GABRP: variants seen among roughly 807,000 people sequenced by gnomAD.
GABRP encodes the protein gamma-aminobutyric acid type A receptor subunit pi, also known as gamma-aminobutyric acid receptor subunit pi.
Under a neutral mutation model 47.8 loss-of-function variants are expected in GABRP, and 52 were observed. The ratio of observed to expected loss-of-function variants is 1.09; its 90% CI spans 0.87 to 1.37. The LOEUF (loss-of-function observed/expected upper bound fraction) is 1.37. Among genes scored for constraint, GABRP ranks in the 40% most tolerant of loss-of-function variants. GABRP has a pLI of 0.00. For synonymous variants in GABRP, 221 were observed against 205.8 expected, an observed-to-expected ratio of 1.07 and a Z score of -0.63; for missense variants, 525 against 542.8, an observed-to-expected ratio of 0.97 and a Z score of 0.33.
At position 170,803,500 on chromosome 5, in the gene GABRP, A is replaced by G. The variant is rs148612705; in HGVS notation, c.542-2216A>G. The stretch of plus-strand genomic sequence containing the variant: ...TAACAGCTTTATTGAGGTATAACTT[A>G]TATACGATAAAATTCACCCATTTTA... On this transcript the variant is annotated intron_variant, in intron 6 of 9. Transcript: ENST00000265294. Among the ~76,000 whole-genome samples, 6 of 152,256 alleles carry G rather than the reference A, an allele frequency of 3.9e-5. No homozygotes were observed. The East Asian group carries it at 1.2e-3, about 29-fold the overall frequency.
At chr5:170,796,409 T>G (rs1765429195) in intron 5 of GABRP, among the ~76,000 whole-genome samples, 1 of 152,224 alleles carries the variant, frequency 6.6e-6, no homozygotes, top group Admixed American at 6.5e-5. Flanking sequence ...TGTGTACATG[T>G]GTGTCTGTCT....
At chr5:170,795,543 T>C in intron 5 of GABRP, 118 bp downstream of exon 5, 2 of 756,564 alleles carry the variant, frequency 2.6e-6, no homozygotes, top group Non-Finnish European at 4.6e-6. Context: ...CCATGGCTTC[T>C]TAGATCCTTG....
chr5:170,788,536 T>G, intron 1 of GABRP, 38 bp from the exon 2 acceptor site: 5 of 1,422,738 alleles, frequency 3.5e-6, no homozygotes, highest in South Asian at 1.2e-5. Context: ...GTGAGCCTGT[T>G]GCACGGCCTT....
At chr5:170,784,683 C>T (rs1213624147) in intron 1 of GABRP, among the ~76,000 whole-genome samples, 1 of 152,106 alleles carries the variant, frequency 6.6e-6, no homozygotes, top group Non-Finnish European at 1.5e-5. Flanking sequence ...CACTGAATTC[C>T]CATGGAAGAC....
At chr5:170,797,393 G>A in intron 5 of GABRP, 73 bp from the exon 6 acceptor site, 1 of 894,112 alleles carries the variant, frequency 1.1e-6, no homozygotes, top group Admixed American at 1.7e-5. Flanking sequence ...TTCTTTGAGT[G>A]GGCCTTCGAA....
In GABRP at chr5:170,812,240, A is replaced by G. The variant is rs1581611600; in HGVS notation, c.1305A>G (p.Ala435=). The G allele has an allele frequency of 1.2e-6, 2 of 1,611,388 alleles. No homozygotes were observed. The highest frequency in any genetic ancestry group is 8.5e-7 in the Non-Finnish European group (1 of 1,177,976). Residue 435 remains alanine (A), a synonymous_variant, in exon 10 of 10, where the codon GCA becomes GCG. Transcript: ENST00000265294. ...IFMLANVFYW[A]YYMYF ...TGCTAGCCAATGTATTTTACTGGGC[A>G]TACTACATGTATTTTTGAGTCAATG...
At chr5:170,810,074 G>T (rs536428522) in intron 9 of GABRP, 85 of 636,792 alleles carry the variant, frequency 1.3e-4, no homozygotes, top group African/African-American at 1.3e-3. Flanking sequence ...ATGATCAGCT[G>T]CTTGCAAGTT....
chr5:170,808,577 C>T (rs41275259), intron 7 of GABRP, 23 bp from the exon 8 acceptor site: 11 of 1,607,086 alleles, frequency 6.8e-6, no homozygotes, highest in Admixed American at 1.7e-5. Context: ...ACACAATTTC[C>T]TATCTGTTGT....
chr5:170,809,514 T>C, intron 8 of GABRP, 54 bp from the exon 9 acceptor site: 6 of 1,567,194 alleles, frequency 3.8e-6, no homozygotes, highest in East Asian at 2.2e-5. Flanking sequence ...TGCCAGGCTA[T>C]GGTGGAGGAC....
rs142642795 is a variant in GABRP at position 170,794,291 on chromosome 5, G to C, written c.233G>C (p.Ser78Thr). ...GCAAGTATCTCTAGCATTTCAGAGA[G>C]TAACATGGTAAGCGCTGTTCCTTTG... ...DIASISSISE[S>T]NMDYTATIYL... The change falls in exon 4 of 10, where the codon AGT becomes ACT. Residue 78 changes from serine (S) to threonine (T), a missense_variant. Coordinates refer to ENST00000265294, the MANE Select transcript of GABRP (RefSeq NM_014211.3). 1,609 of 1,603,314 alleles carry C rather than the reference G, an allele frequency of 1.0e-3. 23 individuals carry two copies. In the East Asian group the frequency reaches 0.029, roughly 29 times the overall value.
intron 6 of GABRP, 87 bp downstream of exon 6, chr5:170,797,635 A>T (rs1765466414): frequency 1.3e-6 from 1 of 796,772 alleles, no homozygotes; most frequent in East Asian, 2.5e-5. Context: ...ATACACAGTG[A>T]CCTTTCTTTT....
Position 170,813,384 on chromosome 5 carries a change from T to A in GABRP, c.*1126T>A, listed in dbSNP as rs1298529805. Reference sequence around the variant, plus strand: ...TGGCTTAGCTTAAGTAAACTTGGCTTTGCTCAGATCCCTGATCCTTCCAGC... The same window carrying A: ...TGGCTTAGCTTAAGTAAACTTGGCTATGCTCAGATCCCTGATCCTTCCAGC... On this transcript the variant is annotated 3_prime_UTR_variant, in exon 10 of 10. Coordinates refer to ENST00000265294, the MANE Select transcript of GABRP (RefSeq NM_014211.3). The A allele has an allele frequency of 6.6e-6, 1 of 152,276 alleles. No individual in the cohort carries two copies. Among genetic ancestry groups the A allele is most frequent in the Non-Finnish European group, 1.5e-5 (1 of 68,092 alleles). 9.4% of individuals were successfully genotyped at this position (152,276 alleles called of 1,614,324 possible).
chr5:170,795,638 A>G (rs1044879345), intron 5 of GABRP, among the ~76,000 whole-genome samples: 1 of 152,144 alleles, frequency 6.6e-6, no homozygotes, highest in Non-Finnish European at 1.5e-5. Context: ...CACAGGATAG[A>G]GCTGAGTAAG....
At chr5:170,788,334 G>T (rs966326865) in intron 1 of GABRP, 3 of 325,382 alleles carry the variant, frequency 9.2e-6, no homozygotes, top group Non-Finnish European at 1.7e-5. Flanking sequence ...GGATGACAGA[G>T]TGAGGCCCTG....
intron 3 of GABRP, among the ~76,000 whole-genome samples, chr5:170,793,607 G>A (rs762196316): frequency 1.3e-5 from 2 of 152,200 alleles, no homozygotes; most frequent in Non-Finnish European, 2.9e-5. Flanking sequence ...TTAGCCAAGT[G>A]GGGGATAAAA....
At chr5:170,809,847 C>T in intron 9 of GABRP, 92 bp downstream of exon 9, 2 of 1,197,442 alleles carry the variant, frequency 1.7e-6, no homozygotes, top group Non-Finnish European at 1.2e-6. Context: ...ATCCCCACCC[C>T]ACCCGCAGTG....
At chr5:170,805,115 T>C (rs1262324275) in intron 6 of GABRP, among the ~76,000 whole-genome samples, 2 of 150,870 alleles carry the variant, frequency 1.3e-5, no homozygotes, top group African/African-American at 2.4e-5. Flanking sequence ...TGAGGAAATA[T>C]AGAAATGGCT....
chr5:170,788,356 T>TA (rs1213573943), intron 1 of GABRP: 1 of 385,996 alleles, frequency 2.6e-6, no homozygotes, highest in Non-Finnish European at 4.4e-6. Flanking sequence ...TTAAAAAAAA[T>TA]AAAAAATTAA....
rs767719560 is a variant in GABRP, at chr5:170,795,236, A to G, written c.269A>G (p.Gln90Arg). ...TACACAGCCACCATATACCTCCGAC[A>G]GCGCTGGATGGACCAGCGGCTGGTG... The part of the protein sequence containing the change: ...MDYTATIYLR[Q>R]RWMDQRLVFE... Residue 90 changes from glutamine (Q) to arginine (R), a missense_variant, in exon 5 of 10, where the codon CAG becomes CGG. Physicochemically the swap from Gln to Arg is conservative, Grantham distance 43. Coordinates refer to ENST00000265294, the MANE Select transcript of GABRP (RefSeq NM_014211.3). The G allele has an allele frequency of 3.1e-6, 5 of 1,613,286 alleles. No homozygotes were observed. In the Admixed American group the frequency reaches 6.7e-5, roughly 22 times the overall value.
Sources: gnomAD v4.1 joint callset for allele counts (sites outside exome capture counted in the v4.1 genomes callset) on GRCh38, gnomAD v4.1.1 for gene constraint, MANE v1.5 for transcripts, NCBI Gene and HGNC (gene_info 2026-07-23, HGNC 2026-07-21) for gene names.